The following RIBC1 variants were observed in gnomAD, a reference collection of about 807,000 sequenced individuals.
RIBC1 encodes the protein RIB43A domain with coiled-coils 1.
In RIBC1, 12 loss-of-function variants were observed where a neutral mutation model predicts 33.7. That is an observed-to-expected ratio of 0.36 (90% CI 0.23 to 0.58). The LOEUF is 0.58. RIBC1 is among the 20% of genes least tolerant of loss of function. The probability of loss-of-function intolerance (pLI) is 0.81; values close to 1 mark genes in which losing one functional copy is unlikely to be tolerated. For missense variants in RIBC1, 242 were observed against 311.6 expected (o/e 0.78, Z 1.68); for synonymous variants, 89 against 109.0 (o/e 0.82, Z 1.14).
At chrX:53,425,724 T>G (rs1158275057) in intron 2 of RIBC1, among the ~76,000 whole-genome samples, 1 of 110,838 alleles carries the variant, frequency 9.0e-6, no homozygotes, top group African/African-American at 3.3e-5. Flanking sequence ...AAGGAAGGAT[T>G]AAAGGATGTC....
intron 2 of RIBC1, among the ~76,000 whole-genome samples, chrX:53,424,150 C>A (rs1468843090): frequency 9.0e-6 from 1 of 111,155 alleles, no homozygotes. Flanking sequence ...CTGGGAGAAA[C>A]AATCAGGCTG....
In RIBC1 at chrX:53,430,559, G is replaced by T; in HGVS notation, c.827G>T (p.Gly276Val). The change falls in exon 7 of 8, where the codon GGC (glycine) becomes GTC (valine). Residue 276 changes from glycine to valine, a missense_variant. By Grantham distance (109) the Gly-to-Val change is moderately radical. Transcript: ENST00000375327. ...PYRVLPYCWKGMTPEQQAAIR... is the reference protein window; with the variant it reads ...PYRVLPYCWKVMTPEQQAAIR... The stretch of plus-strand genomic sequence containing the variant: ...CGGGTCCTGCCCTATTGCTGGAAGG[G>T]CATGACTCCAGAGCAGCAAGCTGCC... 8.3e-7 allele frequency: 1 copy of T among 1,207,269 alleles called. No individual in the cohort carries two copies. Among genetic ancestry groups the T allele is most frequent in the Non-Finnish European group, 1.1e-6 (1 of 893,095 alleles).
chrX:53,430,162 T>C (rs1281920828), intron 6 of RIBC1, among the ~76,000 whole-genome samples, 190 bp downstream of exon 6: 2 of 112,454 alleles, frequency 1.8e-5, no homozygotes, highest in Non-Finnish European at 3.8e-5. Flanking sequence ...AGAAGCAGGA[T>C]GACTTGAGAA....
chrX:53,426,150 A>G (rs1315957591), intron 2 of RIBC1, 127 bp from the exon 3 acceptor site: 6 of 481,423 alleles, frequency 1.2e-5, no homozygotes, highest in African/African-American at 2.4e-5. Context: ...TACGAAATAT[A>G]TCAGGAAGTA....
Position 53,423,015 on chromosome X carries a change from G to T in RIBC1, c.-90+11G>T, listed in dbSNP as rs190397235. 156 of 227,450 alleles carry T rather than the reference G, an allele frequency of 6.9e-4. No individual in the cohort carries two copies. The highest frequency in any genetic ancestry group is 4.3e-3 in the African/African-American group (149 of 34,610). 18.7% of individuals were successfully genotyped at this position (227,450 alleles called of 1,213,427 possible). A position where few individuals can be genotyped will look rare whatever the true frequency, so the allele number is the denominator to read the frequency against. ...CAGGGCAAGAGGAAGGTGGGAGCTC[G>T]GCTGTGGCTTTAGCCTGGCCAGCTT... is the stretch of plus-strand genomic sequence containing the variant. On this transcript the variant is annotated intron_variant, in intron 1 of 7. Transcript: ENST00000375327.
In RIBC1 at chrX:53,428,034, G is replaced by A; in HGVS notation, c.149G>A (p.Gly50Glu). The A allele has an allele frequency of 3.3e-6, 4 of 1,211,881 alleles. No homozygotes were observed. The highest frequency in any genetic ancestry group is 4.5e-6 in the Non-Finnish European group (4 of 895,456). The change falls in exon 4 of 8, where the codon GGA (glycine) becomes GAA (glutamate). Residue 50 changes from glycine to glutamate, a missense_variant. Physicochemically the swap from Gly to Glu is moderately conservative, Grantham distance 98 (BLOSUM62 -2). Coordinates refer to ENST00000375327, the MANE Select transcript of RIBC1 (RefSeq NM_001031745.5). ...VDVQALNNQV[G>E]DRKRREAAER... is the part of the protein sequence containing the mutation. Reference sequence around the variant, plus strand: ...GTCCAGGCCCTGAACAACCAGGTGGGAGACCGAAAGCGTCGGGAAGCAGCA... The same window carrying A: ...GTCCAGGCCCTGAACAACCAGGTGGAAGACCGAAAGCGTCGGGAAGCAGCA...
rs782327406 is a variant in RIBC1 at position 53,430,509 on chromosome X, C to T, written c.777C>T (p.Val259=). ...ACCTACTGACTGAAAACCCCCAGGT[C>T]GCCCAACACCCTATGGCTCCCTACC... The part of the protein sequence containing the change: ...TSDLLTENPQ[V]AQHPMAPYRV... The change falls in exon 7 of 8, where the codon GTC becomes GTT. Residue 259 remains valine, a synonymous_variant. Coordinates refer to ENST00000375327, the MANE Select transcript of RIBC1 (RefSeq NM_001031745.5). 9.1e-6 allele frequency: 11 copies of T among 1,208,556 alleles called. No individual in the cohort carries two copies. Among genetic ancestry groups the T allele is most frequent in the East Asian group, 3.0e-5 (1 of 33,709 alleles).
chrX:53,427,443 C>T (rs1204916959), intron 3 of RIBC1, among the ~76,000 whole-genome samples: 2 of 112,454 alleles, frequency 1.8e-5, no homozygotes, highest in African/African-American at 6.4e-5. Context: ...GACAAGCTGA[C>T]AAGCATTTCC....
chrX:53,427,843 G>T (rs781823987), intron 3 of RIBC1, among the ~76,000 whole-genome samples, 160 bp from the exon 4 acceptor site: 1 of 112,458 alleles, frequency 8.9e-6, no homozygotes, highest in Non-Finnish European at 1.9e-5. Context: ...CTAGACCATG[G>T]AGAGGCTTAC....
chrX:53,429,566 C>G lies in RIBC1; in HGVS notation c.545-288C>G, dbSNP rs186314706. On this transcript the variant is annotated intron_variant, in intron 5 of 7. Transcript: ENST00000375327. ...TATCATTAGAACCCAGCACATGGCC[C>G]TTAGACTGAGATTCAGAGATATGAA... 1,083 of 529,322 alleles carry G rather than the reference C, an allele frequency of 2.0e-3. 2 individuals are homozygous for G. Among genetic ancestry groups the G allele is most frequent in the Middle Eastern group, 0.011 (14 of 1,297 alleles). The allele number at this position is 529,322 out of a possible 1,213,427, so 43.6% of individuals were successfully genotyped here.
In RIBC1 at chrX:53,429,034, T is replaced by C. The variant is rs189324192; in HGVS notation, c.544+407T>C. 2.9e-3 allele frequency: 532 copies of C among 182,144 alleles called. 4 individuals carry two copies. The highest frequency in any genetic ancestry group is 0.015 in the African/African-American group (516 of 34,272). 15.0% of individuals were successfully genotyped at this position (182,144 alleles called of 1,213,427 possible). A position where few individuals can be genotyped will look rare whatever the true frequency, so the allele number is the denominator to read the frequency against. The stretch of plus-strand genomic sequence containing the variant: ...CCTTCTCTTCCATTAGAAGAAGCCC[T>C]TCAAGGGCAAGGACCATGTCTTATC... On this transcript the variant is annotated intron_variant, in intron 5 of 7. Coordinates refer to ENST00000375327, the MANE Select transcript of RIBC1 (RefSeq NM_001031745.5).
Position 53,428,249 on chromosome X carries a change from G to T in RIBC1, c.200-34G>T, listed in dbSNP as rs782336747. On this transcript the variant is annotated intron_variant, in intron 4 of 7. Coordinates refer to ENST00000375327, the MANE Select transcript of RIBC1 (RefSeq NM_001031745.5). ...CTAAGTGGACTCTGTCCCTCCTGGG[G>T]TATCTTCTCCATATCCTTGCTCACC... The T allele has an allele frequency of 2.0e-4, 242 of 1,201,896 alleles. 1 individual carries two copies. The highest frequency in any genetic ancestry group is 2.7e-4 in the Non-Finnish European group (236 of 890,166).
Position 53,429,928 on chromosome X carries a change from C to T in RIBC1, c.619C>T (p.Arg207Cys). ...THLARLEESC[R>C]AAMMCAMANA... ...TCTGGCCAGGCTGGAGGAGTCCTGT[C>T]GTGCGGCCATGATGTGTGCCATGGC... The change falls in exon 6 of 8, where the codon CGT becomes TGT. Residue 207 changes from arginine (R) to cysteine (C), a missense_variant. Coordinates refer to ENST00000375327, the MANE Select transcript of RIBC1 (RefSeq NM_001031745.5). 8.3e-7 allele frequency: 1 copy of T among 1,210,983 alleles called. No individual in the cohort carries two copies. The highest frequency in any genetic ancestry group is 1.1e-6 in the Non-Finnish European group (1 of 894,605).
At position 53,428,038 on chromosome X, in the gene RIBC1, C is replaced by A. The variant is rs1556893490; in HGVS notation, c.153C>A (p.Asp51Glu). 3 of 1,211,430 alleles carry A rather than the reference C, an allele frequency of 2.5e-6. No individual in the cohort carries two copies. The South Asian group carries it at 5.3e-5, about 21-fold the overall frequency. ...DVQALNNQVGDRKRREAAERS... is the reference protein window; with the variant it reads ...DVQALNNQVGERKRREAAERS... ...AGGCCCTGAACAACCAGGTGGGAGA[C>A]CGAAAGCGTCGGGAAGCAGCAGAAA... The change falls in exon 4 of 8, where the codon GAC (aspartate) becomes GAA (glutamate). Residue 51 changes from aspartate to glutamate, a missense_variant. Asp to Glu is a conservative substitution (Grantham distance 45). Transcript: ENST00000375327.
intron 3 of RIBC1, among the ~76,000 whole-genome samples, chrX:53,426,708 G>A (rs2075793979): frequency 8.9e-6 from 1 of 111,937 alleles, no homozygotes; most frequent in South Asian, 3.7e-4. Flanking sequence ...TTTGGAGTCC[G>A]GGTGCAGTGG....
intron 1 of RIBC1, 97 bp downstream of exon 1, chrX:53,423,101 G>GA (rs1291197040): frequency 5.9e-6 from 1 of 170,007 alleles, no homozygotes; most frequent in Non-Finnish European, 1.1e-5. Flanking sequence ...CGGAGAGCTG[G>GA]ACGGGAAGGA....
chrX:53,426,427 A>G (rs1556893234), intron 3 of RIBC1, 34 bp downstream of exon 3: 2 of 932,865 alleles, frequency 2.1e-6, no homozygotes, highest in Non-Finnish European at 3.1e-6. Flanking sequence ...GCTCAGGATC[A>G]GGGCCACCTC....
Position 53,422,900 on chromosome X carries a change from G to A in RIBC1, c.-194G>A, listed in dbSNP as rs2075768713. The A allele has an allele frequency of 3.5e-6, 1 of 284,106 alleles. No individual in the cohort carries two copies. Among genetic ancestry groups the A allele is most frequent in the African/African-American group, 2.7e-5 (1 of 36,582 alleles). The allele number at this position is 284,106 out of a possible 1,213,427, so 23.4% of individuals were successfully genotyped here. A position where few individuals can be genotyped will look rare whatever the true frequency, so the allele number is the denominator to read the frequency against. On this transcript the variant is annotated 5_prime_UTR_variant, in exon 1 of 8. Transcript: ENST00000375327. ...ATCCCCGGAGGAGTTGTTGCTGGGCGGAGTCAGAGCAGTTCTTGAGGTTCA... is the reference window on the plus strand; with the variant it reads ...ATCCCCGGAGGAGTTGTTGCTGGGCAGAGTCAGAGCAGTTCTTGAGGTTCA...
At chrX:53,426,149 T>C (rs1362120290) in intron 2 of RIBC1, 128 bp from the exon 3 acceptor site, 1 of 479,950 alleles carries the variant, frequency 2.1e-6, no homozygotes, top group Non-Finnish European at 3.7e-6. Context: ...ATACGAAATA[T>C]ATCAGGAAGT....
Sources: allele counts gnomAD v4.1 joint callset (sites outside exome capture counted in the v4.1 genomes callset), GRCh38; gene constraint gnomAD v4.1.1; transcripts MANE v1.5; gene names NCBI Gene and HGNC (gene_info 2026-07-23, HGNC 2026-07-21).